MYO1B: variants seen among roughly 807,000 people sequenced by gnomAD.
MYO1B encodes unconventional myosin-Ib.
MYO1B carries 72 observed loss-of-function variants against 159.7 expected under a neutral mutation model. The ratio of observed to expected loss-of-function variants is 0.45; its 90% CI spans 0.37 to 0.55. MYO1B has a LOEUF of 0.55. Among genes scored for constraint, MYO1B ranks in the 20% least tolerant of loss-of-function variants. MYO1B has a pLI of 0.00. For missense variants in MYO1B, 1,062 were observed against 1,364.8 expected, an observed-to-expected ratio of 0.78 and a Z score of 3.50; for synonymous variants, 468 against 473.8, an observed-to-expected ratio of 0.99 and a Z score of 0.16.
chr2:191,400,559 C>T (rs1428379167), intron 22 of MYO1B, 91 bp downstream of exon 22: 1 of 1,450,864 alleles, frequency 6.9e-7, no homozygotes, highest in East Asian at 2.3e-5. Flanking sequence ...AAATGTTTCA[C>T]TGGCTTGAGC....
chr2:191,343,649 T>C (rs1692373868), intron 5 of MYO1B, among the ~76,000 whole-genome samples: 2 of 152,236 alleles, frequency 1.3e-5, no homozygotes, highest in Non-Finnish European at 2.9e-5. Flanking sequence ...ATTTGCTGTA[T>C]TTCTGCATAT....
intron 1 of MYO1B, 86 bp from the exon 2 acceptor site, chr2:191,276,801 C>T (rs1006604039): frequency 1.4e-6 from 2 of 1,427,570 alleles, no homozygotes; most frequent in African/African-American, 2.9e-5. Flanking sequence ...TTGGAGCTAC[C>T]AGTGTTGGAT....
At chr2:191,421,070 C>CTT (rs11306202) in intron 30 of MYO1B, among the ~76,000 whole-genome samples, 2 of 115,312 alleles carry the variant, frequency 1.7e-5, no homozygotes, top group African/African-American at 5.7e-5. Context: ...TAGTGTGAAT[C>CTT]TTTTTTTTTT....
At chr2:191,273,201 C>T (rs1687560240) in intron 1 of MYO1B, among the ~76,000 whole-genome samples, 2 of 152,188 alleles carry the variant, frequency 1.3e-5, no homozygotes, top group African/African-American at 4.8e-5. Context: ...TCACTGCAAC[C>T]TCCACTTCCT....
chr2:191,390,442 A>G lies in MYO1B; in HGVS notation c.1932A>G (p.Arg644=). Residue 644 remains arginine (R), a synonymous_variant, in exon 18 of 31, where the codon AGA becomes AGG. Coordinates refer to ENST00000392318, the MANE Select transcript of MYO1B (RefSeq NM_001130158.3). ...FRQAYEPCLE[R]YKMLCKQTWP... ...AGGCCTATGAACCTTGCCTAGAAAG[A>G]TACAAAATGCTTTGTAAACAAACAT... The G allele has an allele frequency of 6.2e-7, 1 of 1,614,250 alleles. No individual in the cohort carries two copies. Among genetic ancestry groups the G allele is most frequent in the Non-Finnish European group, 8.5e-7 (1 of 1,180,038 alleles).
intron 4 of MYO1B, among the ~76,000 whole-genome samples, chr2:191,336,104 C>T (rs1024213748): frequency 2.0e-5 from 3 of 152,150 alleles, no homozygotes; most frequent in African/African-American, 4.8e-5. Context: ...CTACATTTTT[C>T]CAAGGACATC....
intron 1 of MYO1B, among the ~76,000 whole-genome samples, chr2:191,262,640 A>C (rs1303488041): frequency 6.8e-6 from 1 of 148,070 alleles, no homozygotes; most frequent in Non-Finnish European, 1.5e-5. Flanking sequence ...CATTCCCACC[A>C]CTCTAACACC....
At chr2:191,275,380 A>G (rs1460269732) in intron 1 of MYO1B, among the ~76,000 whole-genome samples, 1 of 152,056 alleles carries the variant, frequency 6.6e-6, no homozygotes, top group Non-Finnish European at 1.5e-5. Flanking sequence ...ATAGCCAAAA[A>G]CTTGTTTTAA....
chr2:191,256,724 A>G (rs940315689), intron 1 of MYO1B, among the ~76,000 whole-genome samples: 11 of 152,210 alleles, frequency 7.2e-5, no homozygotes, highest in Non-Finnish European at 1.6e-4. Context: ...ATTTGAAGAA[A>G]GAAAAGTCAG....
rs1038049022 is a variant in MYO1B, at chr2:191,276,802, A to G, written c.-9-85A>G. 7.7e-6 allele frequency: 11 copies of G among 1,432,530 alleles called. No individual in the cohort carries two copies. The Admixed American group carries it at 9.0e-5, about 12-fold the overall frequency. The allele number at this position is 1,432,530 out of a possible 1,614,324, so 88.7% of individuals were successfully genotyped here. A position where few individuals can be genotyped will look rare whatever the true frequency, so the allele number is the denominator to read the frequency against. ...CTAGTGAGAGTCATTTGGAGCTACC[A>G]GTGTTGGATTTCTGCAGTAGTGCCA... is the stretch of plus-strand genomic sequence containing the variant. On this transcript the variant is annotated intron_variant, in intron 1 of 30. Transcript: ENST00000392318.
At chr2:191,341,832 G>A (rs886642266) in intron 5 of MYO1B, among the ~76,000 whole-genome samples, 8 of 152,028 alleles carry the variant, frequency 5.3e-5, no homozygotes, top group African/African-American at 1.7e-4. Flanking sequence ...TTTAAATTTT[G>A]ATTAAAAATA....
chr2:191,339,414 C>G (rs542150113), intron 4 of MYO1B, among the ~76,000 whole-genome samples: 2 of 152,308 alleles, frequency 1.3e-5, no homozygotes, highest in South Asian at 4.1e-4. Context: ...AATTCACCAG[C>G]TTTTTTCTAG....
chr2:191,281,258 T>C (rs962351745), intron 2 of MYO1B, among the ~76,000 whole-genome samples: 2 of 152,216 alleles, frequency 1.3e-5, no homozygotes, highest in Admixed American at 1.3e-4. Context: ...GTGGCAGATA[T>C]TGACGTGGTC....
chr2:191,296,341 A>T (rs79877544), intron 3 of MYO1B, 115 bp downstream of exon 3: 56 of 371,832 alleles, frequency 1.5e-4, no homozygotes, highest in Admixed American at 8.8e-4. Context: ...AGTTTTTTTT[A>T]AAAAGTTTGA....
intron 3 of MYO1B, among the ~76,000 whole-genome samples, chr2:191,306,752 G>A (rs1272154135): frequency 6.6e-6 from 1 of 152,094 alleles, no homozygotes; most frequent in African/African-American, 2.4e-5. Flanking sequence ...GGGATGGAGA[G>A]GTTCAGAGTC....
chr2:191,273,403 G>T (rs1172167452), intron 1 of MYO1B, among the ~76,000 whole-genome samples: 1 of 152,142 alleles, frequency 6.6e-6, no homozygotes, highest in Non-Finnish European at 1.5e-5. Context: ...GATTACAGGC[G>T]TGAGCCACCG....
At chr2:191,416,371 T>C in intron 30 of MYO1B, 129 bp downstream of exon 30, 1 of 1,115,446 alleles carries the variant, frequency 9.0e-7, no homozygotes, top group Non-Finnish European at 1.3e-6. Context: ...TTGTTCCACA[T>C]GATAAATGGG....
chr2:191,375,470 A>AAGGTAGATAGATAGAT (rs1553556395), intron 13 of MYO1B, among the ~76,000 whole-genome samples: 1 of 146,256 alleles, frequency 6.8e-6, no homozygotes, highest in Admixed American at 6.9e-5. Context: ...TGATTTGTAA[A>AAGGTAGATAGATAGAT]AGATAGATAG....
intron 1 of MYO1B, 56 bp from the exon 2 acceptor site, chr2:191,276,831 A>T: frequency 6.4e-7 from 1 of 1,554,004 alleles, no homozygotes; most frequent in South Asian, 1.2e-5. Flanking sequence ...AGTGCCAAGA[A>T]CCTATTTGAA....
Sources: allele counts gnomAD v4.1 joint callset (sites outside exome capture counted in the v4.1 genomes callset), GRCh38; gene constraint gnomAD v4.1.1; transcripts MANE v1.5; gene names NCBI Gene and HGNC (gene_info 2026-07-23, HGNC 2026-07-21).